NRDC: variants seen among roughly 807,000 people sequenced by gnomAD.
The protein encoded by NRDC is nardilysin.
Under a neutral mutation model 147.1 loss-of-function variants are expected in NRDC, and 54 were observed. That is an observed-to-expected ratio of 0.37 (90% CI 0.29 to 0.46). The LOEUF is 0.46. NRDC is among the 20% of genes least tolerant of loss of function. The pLI is 1.00. For missense variants in NRDC, 1,082 were observed against 1,370.6 expected (o/e 0.79, Z 3.33); for synonymous variants, 440 against 482.1 (o/e 0.91, Z 1.14).
At chr1:51,838,940 G>A (rs908756348) in intron 2 of NRDC, among the ~76,000 whole-genome samples, 4 of 151,630 alleles carry the variant, frequency 2.6e-5, no homozygotes, top group African/African-American at 9.7e-5. Flanking sequence ...TTTAATACTT[G>A]GTCTATCATG....
chr1:51,865,430 G>A (rs1025362351), intron 1 of NRDC, among the ~76,000 whole-genome samples: 2 of 151,310 alleles, frequency 1.3e-5, no homozygotes, highest in African/African-American at 2.4e-5. Flanking sequence ...TCAGCCTCCC[G>A]AGTAGCCAGG....
chr1:51,867,304 A>T (rs1278771432), intron 1 of NRDC, among the ~76,000 whole-genome samples: 1 of 152,262 alleles, frequency 6.6e-6, no homozygotes, highest in Non-Finnish European at 1.5e-5. Flanking sequence ...TGGCGATATA[A>T]GCAGTAAACA....
chr1:51,872,908 A>G (rs943374336), intron 1 of NRDC, among the ~76,000 whole-genome samples: 14 of 150,738 alleles, frequency 9.3e-5, no homozygotes, highest in African/African-American at 3.5e-4. Flanking sequence ...AAACAAAAAG[A>G]AATTTGGATT....
intron 1 of NRDC, among the ~76,000 whole-genome samples, chr1:51,856,544 T>C (rs1466771296): frequency 6.6e-6 from 1 of 152,160 alleles, no homozygotes; most frequent in East Asian, 1.9e-4. Flanking sequence ...TGGTTTATTG[T>C]AAAGGATATT....
chr1:51,819,216 C>T (rs149395794), intron 9 of NRDC, among the ~76,000 whole-genome samples: 4 of 151,600 alleles, frequency 2.6e-5, no homozygotes, highest in South Asian at 2.1e-4. Flanking sequence ...GCAGGAGAAT[C>T]GCTTGAACCT....
chr1:51,844,946 C>A (rs1681479223), intron 1 of NRDC, among the ~76,000 whole-genome samples: 1 of 152,020 alleles, frequency 6.6e-6, no homozygotes, highest in South Asian at 2.1e-4. Context: ...GTTATTTAAG[C>A]TACTCTGTCT....
chr1:51,846,560 T>C (rs1224864627), intron 1 of NRDC, among the ~76,000 whole-genome samples: 2 of 152,264 alleles, frequency 1.3e-5, no homozygotes, highest in African/African-American at 4.8e-5. Flanking sequence ...GTTTGTTCTT[T>C]CCAATGTTCG....
chr1:51,848,484 AAAT>A (rs764980061), intron 1 of NRDC, among the ~76,000 whole-genome samples: 5 of 151,916 alleles, frequency 3.3e-5, no homozygotes, highest in South Asian at 2.1e-4. Context: ...CCGTCTCAAA[AAAT>A]AATAATAATA....
At position 51,878,555 on chromosome 1, in the gene NRDC, C is replaced by T. The variant is rs149582491; in HGVS notation, c.61G>A (p.Gly21Arg). The T allele has an allele frequency of 2.0e-4, 321 of 1,613,496 alleles. 3 individuals carry two copies. The East Asian group carries it at 7.0e-3, about 35-fold the overall frequency. ...CATRRKLCEA[G>R]RELAALWGIE... ...CCCCAGAGCGCCGCGAGCTCCCGCC[C>T]GGCCTCACACAACTTCCTCCGGGTG... The change falls in exon 1 of 31, where the codon GGG (glycine) becomes AGG (arginine). Residue 21 changes from glycine to arginine, a missense_variant. By Grantham distance (125) the Gly-to-Arg change is moderately radical. Coordinates refer to ENST00000352171, the MANE Select transcript of NRDC (RefSeq NM_001101662.2).
chr1:51,818,312 T>C (rs1050494435), intron 9 of NRDC, among the ~76,000 whole-genome samples, 177 bp from the exon 10 acceptor site: 1 of 152,238 alleles, frequency 6.6e-6, no homozygotes, highest in African/African-American at 2.4e-5. Flanking sequence ...TTTTGTAAAT[T>C]TCTTTTTTAT....
intron 1 of NRDC, chr1:51,878,018 T>G: frequency 7.5e-7 from 1 of 1,340,038 alleles, no homozygotes; most frequent in East Asian, 2.9e-5. Context: ...ACCTTCATTC[T>G]TGCTTTAGCG....
chr1:51,836,298 T>G (rs546664434), intron 2 of NRDC, 86 bp from the exon 3 acceptor site: 1 of 1,580,692 alleles, frequency 6.3e-7, no homozygotes, highest in Non-Finnish European at 8.7e-7. Context: ...CATTTGGAGA[T>G]GGATGTTTTC....
intron 4 of NRDC, among the ~76,000 whole-genome samples, chr1:51,833,513 G>A (rs905153275): frequency 6.6e-6 from 1 of 151,180 alleles, no homozygotes; most frequent in Non-Finnish European, 1.5e-5. Flanking sequence ...AACCCAAAAG[G>A]TGTTGACTTT....
At chr1:51,860,683 G>A (rs1037838995) in intron 1 of NRDC, among the ~76,000 whole-genome samples, 2 of 152,106 alleles carry the variant, frequency 1.3e-5, no homozygotes, top group Non-Finnish European at 2.9e-5. Context: ...AATCAAAACC[G>A]AAAATATGTT....
chr1:51,827,362 C>T (rs1680493086), intron 5 of NRDC, among the ~76,000 whole-genome samples: 1 of 152,070 alleles, frequency 6.6e-6, no homozygotes, highest in African/African-American at 2.4e-5. Context: ...AACTGGAAGT[C>T]CCCTCAAGTC....
intron 1 of NRDC, among the ~76,000 whole-genome samples, chr1:51,850,860 A>T (rs1374230691): frequency 6.6e-6 from 1 of 152,188 alleles, no homozygotes; most frequent in Non-Finnish European, 1.5e-5. Flanking sequence ...TCCTTGCTTG[A>T]CACCCTGTAA....
At chr1:51,791,111 A>C in intron 27 of NRDC, 121 bp from the exon 28 acceptor site, 2 of 697,882 alleles carry the variant, frequency 2.9e-6, no homozygotes, top group South Asian at 3.8e-5. Flanking sequence ...TCCAGGAAAA[A>C]AAGCTAAAGT....
intron 1 of NRDC, among the ~76,000 whole-genome samples, chr1:51,858,379 TGAGGTG>T (rs1682360796): frequency 6.6e-6 from 1 of 150,724 alleles, no homozygotes; most frequent in Non-Finnish European, 1.5e-5. Flanking sequence ...CTCAGGAGGC[TGAGGTG>T]GGAAATTCAC....
intron 1 of NRDC, among the ~76,000 whole-genome samples, chr1:51,848,168 A>C (rs1018756655): frequency 2.6e-5 from 4 of 152,160 alleles, no homozygotes; most frequent in Admixed American, 2.6e-4. Context: ...AAAGATGCAA[A>C]ATGTATATAA....
Sources: allele counts gnomAD v4.1 joint callset (sites outside exome capture counted in the v4.1 genomes callset), GRCh38; gene constraint gnomAD v4.1.1; transcripts MANE v1.5; gene names NCBI Gene and HGNC (gene_info 2026-07-23, HGNC 2026-07-21).